PTPRD: variants seen among roughly 807,000 people sequenced by gnomAD.
PTPRD encodes the protein receptor-type tyrosine-protein phosphatase delta.
PTPRD carries 34 observed loss-of-function variants against 214.5 expected under a neutral mutation model. The ratio of observed to expected loss-of-function variants is 0.16; its 90% CI spans 0.12 to 0.21. The LOEUF (loss-of-function observed/expected upper bound fraction) is 0.21, where lower values mean the gene tolerates loss of function less well. Among genes scored for constraint, PTPRD ranks in the 10% least tolerant of loss-of-function variants. The pLI is 1.00. For synonymous variants in PTPRD, 1,128 were observed against 845.7 expected, an observed-to-expected ratio of 1.33 and a Z score of -5.79; for missense variants, 2,545 against 2,398.7, an observed-to-expected ratio of 1.06 and a Z score of -1.27.
intron 10 of PTPRD, among the ~76,000 whole-genome samples, chr9:9,125,093 C>G (rs1238949795): frequency 6.6e-6 from 1 of 151,960 alleles, no homozygotes; most frequent in South Asian, 2.1e-4. Context: ...CAGAAAAAGA[C>G]AAATGTAAAA....
intron 11 of PTPRD, among the ~76,000 whole-genome samples, chr9:9,011,784 AT>A (rs1388967007): frequency 6.6e-6 from 1 of 152,126 alleles, no homozygotes; most frequent in Admixed American, 6.6e-5. Context: ...CAAAGTTAGG[AT>A]TTCAGGGAAG....
At chr9:9,349,542 A>C (rs1205064117) in intron 9 of PTPRD, among the ~76,000 whole-genome samples, 1 of 151,802 alleles carries the variant, frequency 6.6e-6, no homozygotes, top group African/African-American at 2.4e-5. Flanking sequence ...AACAAATTCA[A>C]CTGTCTGATG....
intron 2 of PTPRD, among the ~76,000 whole-genome samples, chr9:10,548,533 A>C (rs191072286): frequency 5.4e-4 from 82 of 152,294 alleles, no homozygotes; most frequent in Non-Finnish European, 1.0e-3. Context: ...GAAAAGTGAA[A>C]CATCTGAAAG....
rs1240493275 is a variant in PTPRD at position 8,776,398 on chromosome 9, G to A, written c.-103-42452C>T. 2.0e-5 allele frequency among the ~76,000 whole-genome samples: 3 copies of A among 152,108 alleles called. No individual in the cohort carries two copies. The East Asian group carries it at 5.8e-4, about 29-fold the overall frequency. On this transcript the variant is annotated intron_variant, in intron 11 of 45. Transcript: ENST00000381196. ...GCTCACTGCAGTATTGATCTTCCAGGGTCAGGTGATCCTGATACTTAGCGT... is the reference window on the plus strand; with the variant it reads ...GCTCACTGCAGTATTGATCTTCCAGAGTCAGGTGATCCTGATACTTAGCGT...
intron 14 of PTPRD, among the ~76,000 whole-genome samples, chr9:8,583,800 A>G (rs752133022): frequency 8.5e-5 from 13 of 152,184 alleles, no homozygotes; most frequent in Non-Finnish European, 1.6e-4. Flanking sequence ...AGAAGAGTAG[A>G]ATTTAACAGA....
chr9:10,568,409 T>A (rs918359483), intron 2 of PTPRD, among the ~76,000 whole-genome samples: 1 of 152,064 alleles, frequency 6.6e-6, no homozygotes, highest in Non-Finnish European at 1.5e-5. Flanking sequence ...CTATTGTGAA[T>A]AGTGCCGCAA....
chr9:9,564,797 A>G (rs1362997463), intron 8 of PTPRD, among the ~76,000 whole-genome samples: 1 of 150,976 alleles, frequency 6.6e-6, no homozygotes, highest in African/African-American at 2.4e-5. Flanking sequence ...TAGAAAAAAT[A>G]TATCACACTT....
intron 9 of PTPRD, among the ~76,000 whole-genome samples, chr9:9,254,277 C>A (rs1479530602): frequency 1.3e-5 from 2 of 152,038 alleles, no homozygotes; most frequent in South Asian, 2.1e-4. Flanking sequence ...CCTTTTTGGA[C>A]AAAGTAAGTC....
intron 39 of PTPRD, among the ~76,000 whole-genome samples, chr9:8,367,478 G>A (rs1476641763): frequency 2.0e-5 from 3 of 152,124 alleles, no homozygotes; most frequent in Non-Finnish European, 4.4e-5. Flanking sequence ...GGCTCTCATA[G>A]CCAAAATTCT....
rs567487277 is a variant in PTPRD at position 9,857,955 on chromosome 9, T to G, written c.-368+80552A>C. Among the ~76,000 whole-genome samples the G allele has an allele frequency of 1.8e-3, 274 of 152,308 alleles. 1 individual carries two copies. Among genetic ancestry groups the G allele is most frequent in the African/African-American group, 6.2e-3 (256 of 41,582 alleles). ...AAAAATTCAAATGGAAAGAAATAAT[T>G]TTAAGTGAGTGAAAAGTGAAGATAT... On this transcript the variant is annotated intron_variant, in intron 5 of 45. Transcript: ENST00000381196.
chr9:8,402,791 G>A (rs2092571656), intron 36 of PTPRD, among the ~76,000 whole-genome samples: 1 of 151,656 alleles, frequency 6.6e-6, no homozygotes, highest in Non-Finnish European at 1.5e-5. Context: ...AACAGAATTT[G>A]AAAAGAAGCG....
At chr9:9,992,848 T>C (rs2095993278) in intron 4 of PTPRD, among the ~76,000 whole-genome samples, 1 of 151,918 alleles carries the variant, frequency 6.6e-6, no homozygotes, top group Admixed American at 6.6e-5. Flanking sequence ...AAACCCAATG[T>C]AAATGACGAG....
intron 2 of PTPRD, among the ~76,000 whole-genome samples, chr9:10,499,111 A>G (rs2133123896): frequency 6.6e-6 from 1 of 152,080 alleles, no homozygotes; most frequent in South Asian, 2.1e-4. Flanking sequence ...ATCTCAGTTA[A>G]TGTTACATTT....
intron 3 of PTPRD, among the ~76,000 whole-genome samples, chr9:10,139,834 C>T (rs1225012494): frequency 6.6e-6 from 1 of 151,056 alleles, no homozygotes; most frequent in East Asian, 2.0e-4. Flanking sequence ...ACTGGCTAGC[C>T]ATATGCAGAA....
chr9:9,080,407 G>C (rs559661480), intron 10 of PTPRD, among the ~76,000 whole-genome samples: 7 of 152,190 alleles, frequency 4.6e-5, no homozygotes, highest in African/African-American at 1.7e-4. Context: ...TATAATAAAA[G>C]TCGCTTGCTA....
chr9:9,501,319 G>T (rs2096406730), intron 8 of PTPRD, among the ~76,000 whole-genome samples: 2 of 151,842 alleles, frequency 1.3e-5, no homozygotes, highest in East Asian at 1.9e-4. Flanking sequence ...TATTTGTCAT[G>T]CAAATAGTAA....
chr9:10,017,414 T>A (rs995135689), intron 4 of PTPRD, among the ~76,000 whole-genome samples: 1 of 152,312 alleles, frequency 6.6e-6, no homozygotes, highest in East Asian at 1.9e-4. Context: ...ACATGTTTTA[T>A]AAACAGTTCT....
intron 5 of PTPRD, among the ~76,000 whole-genome samples, chr9:9,805,028 C>A (rs1421139360): frequency 6.6e-6 from 1 of 151,950 alleles, no homozygotes; most frequent in African/African-American, 2.4e-5. Context: ...TATGTAATAT[C>A]TAAATTGATC....
At chr9:9,590,932 G>C (rs1466033974) in intron 7 of PTPRD, among the ~76,000 whole-genome samples, 1 of 151,958 alleles carries the variant, frequency 6.6e-6, no homozygotes, top group Non-Finnish European at 1.5e-5. Context: ...AAGATGCAAA[G>C]CTTTATGTAA....
Sources: gnomAD v4.1 joint callset for allele counts (sites outside exome capture counted in the v4.1 genomes callset) on GRCh38, gnomAD v4.1.1 for gene constraint, MANE v1.5 for transcripts, NCBI Gene and HGNC (gene_info 2026-07-23, HGNC 2026-07-21) for gene names.